The following SUGCT variants were observed in gnomAD, a reference collection of about 807,000 sequenced individuals.
SUGCT encodes succinyl-CoA:glutarate-CoA transferase, also known as succinyl-CoA:glutarate CoA-transferase.
A neutral mutation model predicts 55.0 loss-of-function variants in SUGCT; 41 were observed. That is an observed-to-expected ratio of 0.74 (90% CI 0.58 to 0.97). SUGCT has a LOEUF of 0.97. Among genes scored for constraint, SUGCT ranks in the 50% least tolerant of loss-of-function variants. The probability of loss-of-function intolerance (pLI) is 0.00; values close to 1 mark genes in which losing one functional copy is unlikely to be tolerated. For missense variants in SUGCT, 568 were observed against 547.8 expected, an observed-to-expected ratio of 1.04 and a Z score of -0.37; for synonymous variants, 187 against 200.4, an observed-to-expected ratio of 0.93 and a Z score of 0.56.
chr7:40,844,431 T>A (rs1793452542), intron 13 of SUGCT, among the ~76,000 whole-genome samples: 1 of 152,002 alleles, frequency 6.6e-6, no homozygotes, highest in Non-Finnish European at 1.5e-5. Flanking sequence ...AGTGGGAAGA[T>A]AATTTTCTCC....
intron 12 of SUGCT, among the ~76,000 whole-genome samples, chr7:40,579,138 A>T (rs1454627075): frequency 1.3e-4 from 19 of 151,234 alleles, no homozygotes; most frequent in Middle Eastern, 6.8e-3. Flanking sequence ...TTTTTTTTTT[A>T]AATAACTTTT....
chr7:40,681,422 T>A (rs1177935264), intron 12 of SUGCT, among the ~76,000 whole-genome samples: 1 of 152,044 alleles, frequency 6.6e-6, no homozygotes, highest in Non-Finnish European at 1.5e-5. Flanking sequence ...TGGGTAGAGG[T>A]TCCAGGAGAG....
chr7:40,271,206 T>C (rs1791983675), intron 7 of SUGCT, among the ~76,000 whole-genome samples: 1 of 152,216 alleles, frequency 6.6e-6, no homozygotes, highest in African/African-American at 2.4e-5. Flanking sequence ...CTAACTGCAC[T>C]GGCTAAAACC....
At chr7:40,820,703 A>C (rs1024699517) in intron 13 of SUGCT, among the ~76,000 whole-genome samples, 4 of 152,200 alleles carry the variant, frequency 2.6e-5, no homozygotes, top group African/African-American at 9.7e-5. Context: ...CAATCATGTC[A>C]TCTGCAAACA....
intron 9 of SUGCT, among the ~76,000 whole-genome samples, chr7:40,361,777 G>A (rs6462979): frequency 0.71 from 107,269 of 151,794 alleles, 38,356 homozygotes; most frequent in East Asian, 0.99. Flanking sequence ...CATAAAGATA[G>A]CAATTGAAGT....
intron 12 of SUGCT, among the ~76,000 whole-genome samples, chr7:40,652,009 T>C (rs978763253): frequency 1.3e-5 from 2 of 152,182 alleles, no homozygotes; most frequent in African/African-American, 4.8e-5. Context: ...GATCCTTGAC[T>C]TTTTGTCCTC....
At chr7:40,981,432 C>T in the SUGCT span, among the ~76,000 whole-genome samples, 2 of 152,056 alleles carry the variant, frequency 1.3e-5, no homozygotes, top group Non-Finnish European at 2.9e-5. Context: ...GTTAAGATGG[C>T]TGATTAAATG....
At chr7:40,655,576 A>G (rs965831322) in intron 12 of SUGCT, among the ~76,000 whole-genome samples, 3 of 152,208 alleles carry the variant, frequency 2.0e-5, no homozygotes, top group Non-Finnish European at 4.4e-5. Context: ...TACAAAGCTG[A>G]TGACCCACTC....
At chr7:40,267,307 T>G (rs1217318020) in intron 7 of SUGCT, among the ~76,000 whole-genome samples, 4 of 152,148 alleles carry the variant, frequency 2.6e-5, no homozygotes, top group Non-Finnish European at 5.9e-5. Flanking sequence ...TTAAAAGAGC[T>G]AAATACATTT....
In SUGCT at chr7:40,376,693, A is replaced by G. The variant is rs146945600; in HGVS notation, c.816+59838A>G. 4.6e-5 allele frequency among the ~76,000 whole-genome samples: 7 copies of G among 151,856 alleles called. No individual in the cohort carries two copies. In the East Asian group the frequency reaches 1.2e-3, roughly 25 times the overall value. ...AGGCGTGAGCTACTGTGCCTGGCCT[A>G]TCTAATATATCTTGAATGTCTTCTC... On this transcript the variant is annotated intron_variant, in intron 9 of 13. Coordinates refer to ENST00000335693, the MANE Select transcript of SUGCT (RefSeq NM_001193313.2).
At chr7:40,664,260 A>G (rs1801489286) in intron 12 of SUGCT, among the ~76,000 whole-genome samples, 1 of 152,234 alleles carries the variant, frequency 6.6e-6, no homozygotes. Flanking sequence ...ATGAATTGGA[A>G]TCTGTAGTTT....
intron 13 of SUGCT, among the ~76,000 whole-genome samples, chr7:40,789,416 A>G (rs1413348447): frequency 1.3e-5 from 2 of 152,228 alleles, no homozygotes; most frequent in African/African-American, 4.8e-5. Flanking sequence ...AGGTTCATCC[A>G]TATGGCATGG....
At chr7:40,187,958 A>G (rs1160343334) in intron 3 of SUGCT, among the ~76,000 whole-genome samples, 1 of 151,696 alleles carries the variant, frequency 6.6e-6, no homozygotes, top group Non-Finnish European at 1.5e-5. Context: ...TGAAGTCAGG[A>G]GTTTGAGATG....
chr7:40,350,509 TTAG>T (rs757562728), intron 9 of SUGCT, among the ~76,000 whole-genome samples: 77 of 151,100 alleles, frequency 5.1e-4, no homozygotes, highest in Non-Finnish European at 9.7e-4. Context: ...TTTTTTTTTC[TTAG>T]TAGAGTCAGG....
the SUGCT span, among the ~76,000 whole-genome samples, chr7:41,004,118 T>C: frequency 6.6e-6 from 1 of 152,228 alleles, no homozygotes; most frequent in Middle Eastern, 3.4e-3. Context: ...GCAACTGAGC[T>C]CCCCAAACAC....
intron 12 of SUGCT, among the ~76,000 whole-genome samples, chr7:40,741,517 T>G (rs1787457466): frequency 6.6e-6 from 1 of 151,890 alleles, no homozygotes; most frequent in African/African-American, 2.4e-5. Flanking sequence ...CTGGTGGGAG[T>G]GATTGGTAAG....
At chr7:40,344,598 T>C (rs1319539213) in intron 9 of SUGCT, among the ~76,000 whole-genome samples, 1 of 152,136 alleles carries the variant, frequency 6.6e-6, no homozygotes, top group Non-Finnish European at 1.5e-5. Context: ...AATAACGGAG[T>C]TGAGCAGTTG....
chr7:40,226,599 T>TTTC (rs1291920941), intron 6 of SUGCT, among the ~76,000 whole-genome samples: 2 of 152,234 alleles, frequency 1.3e-5, no homozygotes, highest in East Asian at 1.9e-4. Context: ...TTTTTTTTTT[T>TTTC]TTCAGGTGTA....
the SUGCT span, among the ~76,000 whole-genome samples, chr7:40,938,288 A>G: frequency 1.3e-5 from 2 of 151,744 alleles, no homozygotes; most frequent in African/African-American, 4.8e-5. Flanking sequence ...TTTTTATATC[A>G]TGTATCTTTT....
Sources: allele counts gnomAD v4.1 joint callset (sites outside exome capture counted in the v4.1 genomes callset), GRCh38; gene constraint gnomAD v4.1.1; transcripts MANE v1.5; gene names NCBI Gene and HGNC (gene_info 2026-07-23, HGNC 2026-07-21).